OTOGL: variants seen among roughly 807,000 people sequenced by gnomAD.
The protein encoded by OTOGL is otogelin-like protein.
Under a neutral mutation model 318.5 loss-of-function variants are expected in OTOGL, and 285 were observed. That is an observed-to-expected ratio of 0.89 (90% CI 0.81 to 0.99). The LOEUF (loss-of-function observed/expected upper bound fraction) is 0.99, where lower values mean the gene tolerates loss of function less well. Among genes scored for constraint, OTOGL ranks in the 50% least tolerant of loss-of-function variants. OTOGL has a pLI of 0.00. For missense variants in OTOGL, 2,899 were observed against 2,845.6 expected (o/e 1.02, Z -0.43); for synonymous variants, 987 against 936.5 (o/e 1.05, Z -0.99).
At chr12:80,119,114 C>G (rs1045956618) in intron 1 of OTOGL, among the ~76,000 whole-genome samples, 1 of 152,150 alleles carries the variant, frequency 6.6e-6, no homozygotes, top group African/African-American at 2.4e-5. Context: ...GAAACAGCAT[C>G]AAGGGGCTGA....
chr12:80,113,404 C>T (rs941694154), intron 1 of OTOGL, among the ~76,000 whole-genome samples: 2 of 152,074 alleles, frequency 1.3e-5, no homozygotes, highest in African/African-American at 2.4e-5. Flanking sequence ...TATAAATTTC[C>T]CTCTAAACAC....
At chr12:80,188,083 T>G (rs1335180268) in intron 1 of OTOGL, among the ~76,000 whole-genome samples, 1 of 152,130 alleles carries the variant, frequency 6.6e-6, no homozygotes, top group Non-Finnish European at 1.5e-5. Context: ...TTCTTTTTAA[T>G]TGTCAATGAT....
intron 1 of OTOGL, among the ~76,000 whole-genome samples, chr12:80,194,007 T>C (rs1292583266): frequency 6.6e-6 from 1 of 152,186 alleles, no homozygotes; most frequent in African/African-American, 2.4e-5. Context: ...AGCAGTGTAG[T>C]GGACCTTTGT....
At chr12:80,283,681 A>G (rs900572327) in intron 26 of OTOGL, among the ~76,000 whole-genome samples, 2 of 152,012 alleles carry the variant, frequency 1.3e-5, no homozygotes, top group African/African-American at 4.8e-5. Flanking sequence ...CACAAGCTTA[A>G]ACATGAATTT....
chr12:80,329,103 T>C lies in OTOGL; in HGVS notation c.4332T>C (p.Thr1444=). Residue 1444 remains threonine (T), a synonymous_variant, in exon 37 of 59, where the codon ACT becomes ACC. Coordinates refer to ENST00000547103, the MANE Select transcript of OTOGL (RefSeq NM_001378609.3). The part of the protein sequence containing the change: ...EPTLMPPAKP[T]VPMFTVWEMI... The stretch of plus-strand genomic sequence containing the variant: ...CATTAATGCCACCAGCTAAGCCAAC[T>C]GTGCCCATGTTTACAGGTATTGTTA... The C allele has an allele frequency of 6.5e-7, 1 of 1,542,258 alleles. No homozygotes were observed. The highest frequency in any genetic ancestry group is 8.7e-7 in the Non-Finnish European group (1 of 1,154,558).
chr12:80,277,039 T>C (rs1291857293), intron 24 of OTOGL, among the ~76,000 whole-genome samples: 1 of 150,818 alleles, frequency 6.6e-6, no homozygotes, highest in Admixed American at 6.6e-5. Context: ...TGAATTTTTA[T>C]ATTTTAAAGC....
intron 22 of OTOGL, among the ~76,000 whole-genome samples, chr12:80,268,394 C>A (rs796329394): frequency 6.6e-6 from 1 of 152,238 alleles, no homozygotes; most frequent in East Asian, 1.9e-4. Context: ...GCTAAGGAAC[C>A]TGATACTAAA....
Position 80,180,506 on chromosome 12 carries a change from G to A in OTOGL, c.-19-28907G>A, listed in dbSNP as rs141914168. Reference sequence around the variant, plus strand: ...TTGCAAAGGCCTCTGCAGTGAAGGAGTCTGTGGGGGAACACTAAGGGCAGT... The same window carrying A: ...TTGCAAAGGCCTCTGCAGTGAAGGAATCTGTGGGGGAACACTAAGGGCAGT... On this transcript the variant is annotated intron_variant, in intron 1 of 58. Coordinates refer to ENST00000547103, the MANE Select transcript of OTOGL (RefSeq NM_001378609.3). 7.5e-4 allele frequency among the ~76,000 whole-genome samples: 115 copies of A among 152,336 alleles called. 1 individual carries two copies. The highest frequency in any genetic ancestry group is 2.7e-3 in the African/African-American group (112 of 41,578).
intron 14 of OTOGL, 129 bp from the exon 15 acceptor site, chr12:80,254,394 GA>G: frequency 8.2e-6 from 4 of 485,436 alleles, no homozygotes; most frequent in Non-Finnish European, 1.4e-5. Context: ...TTTTTGCAGA[GA>G]TTTTTTTAAG....
chr12:80,371,468 A>G (rs1441037476), intron 56 of OTOGL, among the ~76,000 whole-genome samples: 1 of 152,086 alleles, frequency 6.6e-6, no homozygotes, highest in African/African-American at 2.4e-5. Flanking sequence ...ACAGACTAAT[A>G]TTTATAGCGT....
In OTOGL at chr12:80,277,550, C is replaced by T. The variant is rs568733322; in HGVS notation, c.2682-618C>T. Among the ~76,000 whole-genome samples the T allele has an allele frequency of 2.8e-4, 42 of 150,662 alleles. 1 individual carries two copies. The South Asian group carries it at 8.7e-3, about 31-fold the overall frequency. On this transcript the variant is annotated intron_variant, in intron 24 of 58. Transcript: ENST00000547103. ...TTATAGCCATAGACATTTTTAGACA[C>T]TTTCAGCGTATAATCTTTCAAGAAG...
chr12:80,100,473 T>A (rs750432128), intron 1 of OTOGL, among the ~76,000 whole-genome samples: 4 of 152,128 alleles, frequency 2.6e-5, no homozygotes, highest in Non-Finnish European at 4.4e-5. Context: ...TCCATAATAA[T>A]CAAAAATTAA....
intron 24 of OTOGL, among the ~76,000 whole-genome samples, chr12:80,275,063 T>G (rs1055426884): frequency 3.9e-5 from 6 of 152,000 alleles, no homozygotes; most frequent in African/African-American, 1.4e-4. Flanking sequence ...TTGCAGCCAT[T>G]GATCAAGTAG....
intron 1 of OTOGL, among the ~76,000 whole-genome samples, chr12:80,100,389 A>G (rs1270736815): frequency 6.6e-6 from 1 of 152,202 alleles, no homozygotes; most frequent in East Asian, 1.9e-4. Flanking sequence ...AACTACTTCA[A>G]TTTGATCATT....
intron 22 of OTOGL, among the ~76,000 whole-genome samples, chr12:80,269,626 C>A (rs1883253602): frequency 6.6e-6 from 1 of 152,126 alleles, no homozygotes; most frequent in African/African-American, 2.4e-5. Context: ...GTGTTATAGC[C>A]TTCCTACCTT....
At chr12:80,203,189 T>G (rs1876578217) in intron 1 of OTOGL, among the ~76,000 whole-genome samples, 1 of 152,206 alleles carries the variant, frequency 6.6e-6, no homozygotes, top group Admixed American at 6.5e-5. Context: ...ACCAGGAGGC[T>G]GAAATAGGTT....
chr12:80,247,000 G>A (rs1408048002), intron 11 of OTOGL, among the ~76,000 whole-genome samples: 5 of 65,370 alleles, frequency 7.6e-5, no homozygotes, highest in Admixed American at 4.7e-4. Flanking sequence ...CTGTGGGATC[G>A]GTGGTGATAT....
intron 29 of OTOGL, among the ~76,000 whole-genome samples, chr12:80,307,587 G>A: frequency 6.9e-6 from 1 of 144,840 alleles, no homozygotes. Context: ...CCTCCCTCCT[G>A]GACGGGGCGG....
chr12:80,157,467 G>T (rs1006132103), intron 1 of OTOGL, among the ~76,000 whole-genome samples: 1 of 152,090 alleles, frequency 6.6e-6, no homozygotes, highest in Non-Finnish European at 1.5e-5. Flanking sequence ...TTGGTCGCCT[G>T]TACTTATAGA....
Sources: gnomAD v4.1 joint callset for allele counts (sites outside exome capture counted in the v4.1 genomes callset) on GRCh38, gnomAD v4.1.1 for gene constraint, MANE v1.5 for transcripts, NCBI Gene and HGNC (gene_info 2026-07-23, HGNC 2026-07-21) for gene names.